The following SLC22A14 variants were observed in gnomAD, a reference collection of about 807,000 sequenced individuals.
SLC22A14 encodes the protein solute carrier family 22 member 14, also known as organic cation transporter-like 4.
SLC22A14 carries 50 observed loss-of-function variants against 53.9 expected under a neutral mutation model. The observed-to-expected ratio is 0.93, with a 90% confidence interval of 0.74 to 1.17. SLC22A14 has a LOEUF of 1.17. SLC22A14 is among the 50% of genes most tolerant of loss of function. The pLI, the probability that SLC22A14 is intolerant of heterozygous loss-of-function variation, is 0.00. For synonymous variants in SLC22A14, 312 were observed against 303.0 expected (o/e 1.03, Z -0.31); for missense variants, 671 against 734.7 (o/e 0.91, Z 1.00).
chr3:38,290,067 C>T (rs1045772774), intron 1 of SLC22A14, among the ~76,000 whole-genome samples: 12 of 152,248 alleles, frequency 7.9e-5, no homozygotes, highest in Non-Finnish European at 1.5e-4. Context: ...TCTGATTAGT[C>T]GGGTGTGAGC....
rs1312866446 is a variant in SLC22A14 at position 38,316,616 on chromosome 3, C to A, written c.1733+92C>A. 14 of 1,152,710 alleles carry A rather than the reference C, an allele frequency of 1.2e-5. No individual in the cohort carries two copies. In the East Asian group the frequency reaches 3.3e-4, roughly 27 times the overall value. 71.4% of individuals were successfully genotyped at this position (1,152,710 alleles called of 1,614,324 possible). ...CGTGCGGGACATTGTCCATCCCCGC[C>A]CCTCTGCCGGAGAGCCTGTGACTCG... On this transcript the variant is annotated intron_variant, in intron 10 of 10. Coordinates refer to ENST00000448498, the MANE Select transcript of SLC22A14 (RefSeq NM_001320033.2).
rs199535967 is a variant in SLC22A14 at position 38,307,522 on chromosome 3, G to A, written c.621-44G>A. ...AGGTGTATCCGGCTGGGGCCAGCCC[G>A]GGAGATCCCGGCACTTGGTGCAGCC... On this transcript the variant is annotated intron_variant, in intron 3 of 10. Coordinates refer to ENST00000448498, the MANE Select transcript of SLC22A14 (RefSeq NM_001320033.2). This position sits in a 1 kb window ranked among gnomAD's most constrained non-coding sequence, Gnocchi z 4.4. 2.0e-5 allele frequency: 32 copies of A among 1,605,536 alleles called. No homozygotes were observed. The highest frequency in any genetic ancestry group is 1.3e-4 in the South Asian group (12 of 89,970).
rs762938672 is a variant in SLC22A14 at position 38,313,812 on chromosome 3, A to C, written c.1249A>C (p.Ser417Arg). ...CGTCCACTTCAGACACGTGGTCCCC[A>C]GCATCATGGAGGTGCCTGCCCGGCT... ...VSVHFRHVVP[S>R]IMEVPARLCC... Residue 417 changes from serine to arginine, a missense_variant, in exon 8 of 11, where the codon AGC (serine) becomes CGC (arginine). Physicochemically the swap from Ser to Arg is moderately radical, Grantham distance 110. Transcript: ENST00000448498. The C allele has an allele frequency of 5.0e-6, 8 of 1,613,980 alleles. No homozygotes were observed. The Admixed American group carries it at 1.2e-4, about 24-fold the overall frequency.
At chr3:38,294,618 G>A (rs1703986542) in intron 1 of SLC22A14, among the ~76,000 whole-genome samples, 1 of 152,102 alleles carries the variant, frequency 6.6e-6, no homozygotes, top group Non-Finnish European at 1.5e-5. Flanking sequence ...TAGTCCTAGA[G>A]CGTCCTCTAT....
Position 38,307,451 on chromosome 3 carries a change from G to C in SLC22A14, c.620+94G>C. ...GAGTGTGTCAGGCTGAGGGAGGTGA[G>C]GGTAGGGGTTCTCCAGGGACCCATG... On this transcript the variant is annotated intron_variant, in intron 3 of 10. Transcript: ENST00000448498. The surrounding 1 kb of genome is among the most constrained non-coding windows in gnomAD (Gnocchi z 4.4). 1 of 1,537,120 alleles carries C rather than the reference G, an allele frequency of 6.5e-7. No individual in the cohort carries two copies. The highest frequency in any genetic ancestry group is 1.1e-5 in the South Asian group (1 of 89,362).
At chr3:38,318,076 G>A (rs771993833) in intron 10 of SLC22A14, 122 bp from the exon 11 acceptor site, 31 of 841,660 alleles carry the variant, frequency 3.7e-5, no homozygotes, top group Middle Eastern at 3.2e-4. Context: ...GGGACCTGCC[G>A]GAGTGAGAAA....
intron 1 of SLC22A14, among the ~76,000 whole-genome samples, chr3:38,304,504 C>T (rs915665538): frequency 3.9e-5 from 6 of 152,122 alleles, no homozygotes; most frequent in South Asian, 2.1e-4. Context: ...CCTCCCACCT[C>T]AGCCTCCCGA....
intron 5 of SLC22A14, among the ~76,000 whole-genome samples, chr3:38,311,984 G>T (rs1038147026): frequency 6.6e-5 from 10 of 152,180 alleles, no homozygotes; most frequent in African/African-American, 2.4e-4. Flanking sequence ...CTTTAGGAGA[G>T]TTCCACAGCC....
chr3:38,284,369 T>C (rs1423592576), intron 1 of SLC22A14, among the ~76,000 whole-genome samples: 1 of 152,158 alleles, frequency 6.6e-6, no homozygotes, highest in Non-Finnish European at 1.5e-5. Flanking sequence ...GGGTCACTCC[T>C]CCAGGGCCGG....
chr3:38,305,082 G>C (rs1178251549), intron 1 of SLC22A14: 1 of 152,186 alleles, frequency 6.6e-6, no homozygotes, highest in Non-Finnish European at 1.5e-5. Context: ...CCTTCCAAAA[G>C]TGTCTGCTTT....
chr3:38,310,953 A>G (rs1704451218), intron 5 of SLC22A14, among the ~76,000 whole-genome samples: 2 of 152,158 alleles, frequency 1.3e-5, no homozygotes, highest in Non-Finnish European at 2.9e-5. Flanking sequence ...GGTGGCACAT[A>G]TTAACTCTCC....
rs368052165 is a variant in SLC22A14, at chr3:38,313,116, C to G, written c.1062C>G (p.Asp354Glu). Reference sequence around the variant, plus strand: ...AGACCATTCCTTCAAATCTGCTGGACGAGGTAAAGGGCTTCTGGCCAGGAG... The same window carrying G: ...AGACCATTCCTTCAAATCTGCTGGAGGAGGTAAAGGGCTTCTGGCCAGGAG... ...NKKTIPSNLL[D>E]ELQLPRKKVT... Residue 354 changes from aspartate to glutamate, a missense_variant, in exon 6 of 11, where the codon GAC becomes GAG. Physicochemically the swap from Asp to Glu is conservative, Grantham distance 45 (BLOSUM62 2). Transcript: ENST00000448498. 1 of 1,610,388 alleles carries G rather than the reference C, an allele frequency of 6.2e-7. No homozygotes were observed. The highest frequency in any genetic ancestry group is 8.5e-7 in the Non-Finnish European group (1 of 1,178,622).
At position 38,306,488 on chromosome 3, in the gene SLC22A14, A is replaced by C; in HGVS notation, c.462A>C (p.Thr154=). 1.2e-6 allele frequency: 2 copies of C among 1,614,198 alleles called. No individual in the cohort carries two copies. The highest frequency in any genetic ancestry group is 1.7e-6 in the Non-Finnish European group (2 of 1,180,020). ...IIQFGLNDTD[T]CQDGWIYPDA... is the part of the protein sequence containing the mutation. Reference sequence around the variant, plus strand: ...AGTTTGGCCTCAATGACACAGACACATGCCAAGATGGGTGGATCTATCCTG... The same window carrying C: ...AGTTTGGCCTCAATGACACAGACACCTGCCAAGATGGGTGGATCTATCCTG... The change falls in exon 2 of 11, where the codon ACA becomes ACC. Residue 154 remains threonine (T), a synonymous_variant. Coordinates refer to ENST00000448498, the MANE Select transcript of SLC22A14 (RefSeq NM_001320033.2).
chr3:38,302,641 A>G (rs1704196880), intron 1 of SLC22A14, among the ~76,000 whole-genome samples: 1 of 152,206 alleles, frequency 6.6e-6, no homozygotes, highest in African/African-American at 2.4e-5. Flanking sequence ...TAGGTGACCA[A>G]GTGAGACACT....
chr3:38,307,367 C>G lies in SLC22A14; in HGVS notation c.620+10C>G. On this transcript the variant is annotated intron_variant, in intron 3 of 10. Coordinates refer to ENST00000448498, the MANE Select transcript of SLC22A14 (RefSeq NM_001320033.2). This position sits in a 1 kb window ranked among gnomAD's most constrained non-coding sequence, Gnocchi z 4.4. ...GGCTCATAACTGACAAGTGAGTCCCCGGGAGTTTCTGCTGGTCCCCGAGCC... is the reference window on the plus strand; with the variant it reads ...GGCTCATAACTGACAAGTGAGTCCCGGGGAGTTTCTGCTGGTCCCCGAGCC... 6.2e-7 allele frequency: 1 copy of G among 1,604,184 alleles called. No individual in the cohort carries two copies. Among genetic ancestry groups the G allele is most frequent in the Non-Finnish European group, 8.5e-7 (1 of 1,170,940 alleles).
chr3:38,313,086 C>T lies in SLC22A14; in HGVS notation c.1032C>T (p.Asn344=), dbSNP rs965289583. 6.2e-7 allele frequency: 1 copy of T among 1,608,022 alleles called. No homozygotes were observed. Among genetic ancestry groups the T allele is most frequent in the African/African-American group, 1.3e-5 (1 of 74,886 alleles). Residue 344 remains asparagine (N), a synonymous_variant, in exon 6 of 11, where the codon AAC becomes AAT. Transcript: ENST00000448498. ...TGCTGTGCTACGCCGCAAGTGTGAA[C>T]AAGAAGACCATTCCTTCAAATCTGC... ...KQVLCYAASV[N]KKTIPSNLLD...
rs377251292 is a variant in SLC22A14 at position 38,283,351 on chromosome 3, C to T, written c.-1+1012C>T. On this transcript the variant is annotated intron_variant, in intron 1 of 10. Coordinates refer to ENST00000448498, the MANE Select transcript of SLC22A14 (RefSeq NM_001320033.2). ...TAGATCTCTCCGGGGGGCGCTTATGCAGCCTCCCCCACCTCCCAGCACACA... is the reference window on the plus strand; with the variant it reads ...TAGATCTCTCCGGGGGGCGCTTATGTAGCCTCCCCCACCTCCCAGCACACA... 2.0e-5 allele frequency among the ~76,000 whole-genome samples: 3 copies of T among 152,146 alleles called. No homozygotes were observed. The South Asian group carries it at 6.2e-4, about 31-fold the overall frequency.
At chr3:38,288,554 G>T (rs925460157) in intron 1 of SLC22A14, among the ~76,000 whole-genome samples, 1 of 152,102 alleles carries the variant, frequency 6.6e-6, no homozygotes, top group Non-Finnish European at 1.5e-5. Flanking sequence ...ATACAAAAGG[G>T]TTCGAATTTC....
rs1278448681 is a variant in SLC22A14, at chr3:38,306,250, T to C, written c.224T>C (p.Ile75Thr). Residue 75 changes from isoleucine (I) to threonine (T), a missense_variant, in exon 2 of 11, where the codon ATC becomes ACC. Ile to Thr is a moderately conservative substitution (Grantham distance 89, BLOSUM62 -1). Coordinates refer to ENST00000448498, the MANE Select transcript of SLC22A14 (RefSeq NM_001320033.2). ...CAGAGGCTAGTAGCCCTCACCTTTA[T>C]CCCCAGCATCATGTCGGCCTTCTTC... ...FQQRLVALTF[I>T]PSIMSAFFMF... is the part of the protein sequence containing the mutation. 1 of 1,614,142 alleles carries C rather than the reference T, an allele frequency of 6.2e-7. No homozygotes were observed. The highest frequency in any genetic ancestry group is 2.2e-5 in the East Asian group (1 of 44,878).
Sources: gnomAD v4.1 joint callset for allele counts (sites outside exome capture counted in the v4.1 genomes callset) on GRCh38, gnomAD v4.1.1 for gene constraint, Gnocchi (gnomAD v3.1) non-coding constraint, MANE v1.5 for transcripts, NCBI Gene and HGNC (gene_info 2026-07-23, HGNC 2026-07-21) for gene names.